Variants in KCNIP4 observed in about 807,000 individuals in gnomAD.
KCNIP4 encodes potassium voltage-gated channel interacting protein 4, also known as Kv channel-interacting protein 4.
In KCNIP4, 12 loss-of-function variants were observed where a neutral mutation model predicts 34.0. The observed-to-expected ratio is 0.35, with a 90% CI of 0.23 to 0.57. KCNIP4 has a LOEUF of 0.57. KCNIP4 is among the 20% of genes least tolerant of loss of function. The pLI is 0.83. For missense variants in KCNIP4, 238 were observed against 311.7 expected, an observed-to-expected ratio of 0.76 and a Z score of 1.78; for synonymous variants, 124 against 102.2, an observed-to-expected ratio of 1.21 and a Z score of -1.29.
chr4:21,909,549 T>C (rs533575281), intron 1 of KCNIP4, among the ~76,000 whole-genome samples: 2 of 152,214 alleles, frequency 1.3e-5, no homozygotes. Flanking sequence ...TTAATTTGCT[T>C]TGGGTTTACT....
chr4:21,187,352 G>T (rs1283078057), intron 1 of KCNIP4, among the ~76,000 whole-genome samples: 1 of 152,134 alleles, frequency 6.6e-6, no homozygotes, highest in African/African-American at 2.4e-5. Context: ...AATTTCTAAT[G>T]GTAACAAATA....
intron 1 of KCNIP4, among the ~76,000 whole-genome samples, chr4:21,664,763 AGACTATTTTTTAAATGCCTATG>A (rs1436267044): frequency 1.6e-4 from 25 of 152,160 alleles, no homozygotes; most frequent in Non-Finnish European, 3.1e-4. Context: ...TGCCACCTAT[AGACTATTTTTTAAATGCCTATG>A]GACTATTTTT....
intron 3 of KCNIP4, among the ~76,000 whole-genome samples, chr4:20,778,359 C>T (rs1319712898): frequency 6.6e-6 from 1 of 152,130 alleles, no homozygotes; most frequent in East Asian, 1.9e-4. Flanking sequence ...AAATTCTTAA[C>T]TCATAGTTAG....
At chr4:21,697,600 A>AT (rs1167255039) in intron 1 of KCNIP4, 2 of 1,364,648 alleles carry the variant, frequency 1.5e-6, no homozygotes, top group East Asian at 6.1e-5. Context: ...TCAATCAGAA[A>AT]TTCCTTTAAA....
chr4:20,738,538 G>C (rs922115578), intron 5 of KCNIP4, among the ~76,000 whole-genome samples: 3 of 152,140 alleles, frequency 2.0e-5, no homozygotes, highest in African/African-American at 7.2e-5. Context: ...CTGGCCTACA[G>C]CACTCATCAC....
intron 1 of KCNIP4, among the ~76,000 whole-genome samples, chr4:21,811,816 G>A (rs1381600030): frequency 6.6e-6 from 1 of 151,690 alleles, no homozygotes; most frequent in Non-Finnish European, 1.5e-5. Flanking sequence ...ATGAAAGAAT[G>A]TTCCAAGAAA....
intron 1 of KCNIP4, among the ~76,000 whole-genome samples, chr4:21,924,893 T>A (rs1729149117): frequency 1.3e-5 from 2 of 151,982 alleles, no homozygotes; most frequent in Admixed American, 1.3e-4. Context: ...ATCATGCTAC[T>A]CCATTGGTAC....
At chr4:20,772,913 C>A (rs1004494186) in intron 3 of KCNIP4, among the ~76,000 whole-genome samples, 17 of 151,958 alleles carry the variant, frequency 1.1e-4, no homozygotes, top group African/African-American at 4.1e-4. Flanking sequence ...GCATTACAGG[C>A]GTCAGCCACC....
At chr4:20,892,066 A>G (rs1002293683) in intron 1 of KCNIP4, among the ~76,000 whole-genome samples, 1 of 152,176 alleles carries the variant, frequency 6.6e-6, no homozygotes, top group African/African-American at 2.4e-5. Context: ...GCCCCAAATC[A>G]TTCACTTTTA....
intron 3 of KCNIP4, among the ~76,000 whole-genome samples, chr4:20,810,627 T>C (rs1227410514): frequency 6.6e-6 from 1 of 152,144 alleles, no homozygotes; most frequent in East Asian, 1.9e-4. Flanking sequence ...AGATATTATA[T>C]CATCATCTCA....
chr4:21,200,308 A>G (rs981421944), intron 1 of KCNIP4, among the ~76,000 whole-genome samples: 2 of 114,180 alleles, frequency 1.8e-5, no homozygotes, highest in Admixed American at 8.1e-5. Flanking sequence ...GTGTATATAT[A>G]TACATACATA....
chr4:20,899,239 A>T (rs1233906697), intron 1 of KCNIP4, among the ~76,000 whole-genome samples: 1 of 152,234 alleles, frequency 6.6e-6, no homozygotes, highest in Non-Finnish European at 1.5e-5. Flanking sequence ...CTCTATCAGC[A>T]TAACAGAAAA....
chr4:20,795,082 G>A (rs1224376523), intron 3 of KCNIP4, among the ~76,000 whole-genome samples: 1 of 152,062 alleles, frequency 6.6e-6, no homozygotes, highest in African/African-American at 2.4e-5. Flanking sequence ...GTTGATTGTG[G>A]CAAGTTATGA....
intron 1 of KCNIP4, among the ~76,000 whole-genome samples, chr4:21,244,670 T>C (rs1760077750): frequency 6.6e-6 from 1 of 152,220 alleles, no homozygotes; most frequent in Non-Finnish European, 1.5e-5. Context: ...TCTAAAAATA[T>C]TTCTTTTAAT....
intron 1 of KCNIP4, among the ~76,000 whole-genome samples, chr4:20,918,037 C>T (rs545366473): frequency 6.6e-6 from 1 of 152,096 alleles, no homozygotes; most frequent in Admixed American, 6.5e-5. Context: ...TTATTAAAGG[C>T]CAAAGTACTG....
intron 1 of KCNIP4, among the ~76,000 whole-genome samples, chr4:21,188,077 G>A (rs1225031608): frequency 1.3e-5 from 2 of 152,190 alleles, no homozygotes; most frequent in Non-Finnish European, 2.9e-5. Context: ...ATAGTCAACA[G>A]ATCAGTATTT....
intron 1 of KCNIP4, among the ~76,000 whole-genome samples, chr4:21,934,715 C>T (rs905382225): frequency 3.3e-5 from 5 of 152,032 alleles, no homozygotes; most frequent in Non-Finnish European, 5.9e-5. Context: ...CTTCCCTGTC[C>T]AGGCAGGACA....
chr4:20,892,373 A>G (rs1048512590), intron 1 of KCNIP4, among the ~76,000 whole-genome samples: 1 of 151,924 alleles, frequency 6.6e-6, no homozygotes, highest in Non-Finnish European at 1.5e-5. Flanking sequence ...CAGCCTTTCC[A>G]TCTCTCTATC....
chr4:20,861,899 A>T (rs1376476299), intron 2 of KCNIP4, among the ~76,000 whole-genome samples: 1 of 151,822 alleles, frequency 6.6e-6, no homozygotes, highest in African/African-American at 2.4e-5. Context: ...ATAATCACCT[A>T]ATTGGAATGC....
Sources: allele counts gnomAD v4.1 joint callset (sites outside exome capture counted in the v4.1 genomes callset), GRCh38; gene constraint gnomAD v4.1.1; transcripts MANE v1.5; gene names NCBI Gene and HGNC (gene_info 2026-07-23, HGNC 2026-07-21).